The following CNTNAP2 variants were observed in gnomAD, a reference collection of about 807,000 sequenced individuals.
CNTNAP2 encodes the protein contactin associated protein 2.
Under a neutral mutation model 155.2 loss-of-function variants are expected in CNTNAP2, and 98 were observed. That is an observed-to-expected ratio of 0.63 (90% confidence interval 0.54 to 0.75). The LOEUF (loss-of-function observed/expected upper bound fraction) is 0.75. Ranked by LOEUF, CNTNAP2 falls within the 30% of genes least tolerant of loss-of-function variation. CNTNAP2 has a pLI of 0.00. For missense variants in CNTNAP2, 1,727 were observed against 1,688.1 expected (o/e 1.02, Z -0.40); for synonymous variants, 651 against 631.2 (o/e 1.03, Z -0.47).
chr7:146,894,770 C>T (rs963133800), intron 3 of CNTNAP2, among the ~76,000 whole-genome samples: 6 of 152,052 alleles, frequency 3.9e-5, no homozygotes, highest in African/African-American at 1.4e-4. Context: ...TGTAGGTTAA[C>T]TTTACATTCC....
At chr7:147,335,898 A>G (rs952648161) in intron 9 of CNTNAP2, among the ~76,000 whole-genome samples, 2 of 152,178 alleles carry the variant, frequency 1.3e-5, no homozygotes, top group South Asian at 2.1e-4. Context: ...TAGCAGCTGT[A>G]TCATATTATA....
intron 10 of CNTNAP2, among the ~76,000 whole-genome samples, chr7:147,458,196 C>T (rs972746973): frequency 1.3e-5 from 2 of 152,112 alleles, no homozygotes; most frequent in African/African-American, 2.4e-5. Flanking sequence ...TGAAAATCTG[C>T]ATAATATATC....
intron 16 of CNTNAP2, among the ~76,000 whole-genome samples, chr7:148,146,000 A>G (rs924572660): frequency 6.6e-6 from 1 of 152,226 alleles, no homozygotes; most frequent in Non-Finnish European, 1.5e-5. Flanking sequence ...CTGTAGCTCA[A>G]TAAAGTTAAT....
At chr7:147,810,048 G>A (rs10267819) in intron 13 of CNTNAP2, among the ~76,000 whole-genome samples, 24,673 of 152,094 alleles carry the variant, frequency 0.16, 2,315 homozygotes, top group East Asian at 0.24. Flanking sequence ...TATTCAATGT[G>A]TGCTTAAAAA....
chr7:146,231,745 G>A (rs1385099569), intron 1 of CNTNAP2, among the ~76,000 whole-genome samples: 4 of 152,078 alleles, frequency 2.6e-5, no homozygotes, highest in Non-Finnish European at 5.9e-5. Context: ...AAGTGCATCC[G>A]GGAATAGGGT....
chr7:146,264,576 G>T (rs1469680927), intron 1 of CNTNAP2, among the ~76,000 whole-genome samples: 1 of 152,158 alleles, frequency 6.6e-6, no homozygotes, highest in African/African-American at 2.4e-5. Context: ...AAGAATGATG[G>T]TGGGAGCAAT....
At chr7:148,291,431 G>A (rs7780274) in intron 21 of CNTNAP2, among the ~76,000 whole-genome samples, 61,192 of 151,798 alleles carry the variant, frequency 0.4, 12,933 homozygotes, top group East Asian at 0.65. Flanking sequence ...AGAACTTGGA[G>A]TCCAATGTTC....
At chr7:147,667,531 A>G (rs1195530153) in intron 13 of CNTNAP2, among the ~76,000 whole-genome samples, 2 of 152,166 alleles carry the variant, frequency 1.3e-5, no homozygotes, top group East Asian at 3.9e-4. Context: ...GTCATGGATG[A>G]CCCAGCTCCT....
intron 3 of CNTNAP2, among the ~76,000 whole-genome samples, chr7:146,916,492 C>G (rs1458697850): frequency 6.6e-6 from 1 of 151,968 alleles, no homozygotes; most frequent in Non-Finnish European, 1.5e-5. Context: ...TTTTAATTAC[C>G]ATTTCAATCT....
chr7:147,692,376 C>A (rs1265546975), intron 13 of CNTNAP2, among the ~76,000 whole-genome samples: 37 of 152,094 alleles, frequency 2.4e-4, no homozygotes, highest in Non-Finnish European at 7.4e-5. Context: ...TACCAAACAA[C>A]ACTATTGCTG....
chr7:148,146,537 G>A (rs1805182021), intron 16 of CNTNAP2, among the ~76,000 whole-genome samples: 1 of 152,184 alleles, frequency 6.6e-6, no homozygotes, highest in Non-Finnish European at 1.5e-5. Context: ...TGCAGAGGAA[G>A]GTTGATTTGG....
At chr7:147,569,905 C>A (rs1281133168) in intron 12 of CNTNAP2, among the ~76,000 whole-genome samples, 1 of 152,178 alleles carries the variant, frequency 6.6e-6, no homozygotes, top group Non-Finnish European at 1.5e-5. Flanking sequence ...TTGGGATCTT[C>A]TTGGAAGTTT....
At chr7:146,586,909 G>T (rs1221919904) in intron 1 of CNTNAP2, among the ~76,000 whole-genome samples, 3 of 152,122 alleles carry the variant, frequency 2.0e-5, no homozygotes, top group South Asian at 4.1e-4. Context: ...GGTCATTTTT[G>T]CTATGAACAA....
intron 2 of CNTNAP2, among the ~76,000 whole-genome samples, chr7:146,808,159 T>G (rs1452991914): frequency 2.0e-5 from 3 of 152,216 alleles, no homozygotes; most frequent in Non-Finnish European, 2.9e-5. Context: ...TAATATAATT[T>G]ATTCATTGAA....
chr7:146,356,146 A>G (rs2129099787), intron 1 of CNTNAP2, among the ~76,000 whole-genome samples: 1 of 151,820 alleles, frequency 6.6e-6, no homozygotes, highest in Admixed American at 6.6e-5. Context: ...ATAGCATTCC[A>G]TTTTCTGGAC....
At chr7:148,061,959 A>ATAGATAGATAGATAGAT (rs1803153803) in intron 15 of CNTNAP2, among the ~76,000 whole-genome samples, 1 of 28,150 alleles carries the variant, frequency 3.6e-5, no homozygotes, top group South Asian at 9.1e-4. Flanking sequence ...ACAGATATAG[A>ATAGATAGATAGATAGAT]TAGATAGATA....
intron 3 of CNTNAP2, among the ~76,000 whole-genome samples, chr7:147,002,219 C>A (rs1798438225): frequency 6.6e-6 from 1 of 151,890 alleles, no homozygotes; most frequent in African/African-American, 2.4e-5. Flanking sequence ...GAATGTCCAG[C>A]CAAATGGATG....
chr7:146,722,223 C>G (rs1440360923), intron 1 of CNTNAP2, among the ~76,000 whole-genome samples: 1 of 151,762 alleles, frequency 6.6e-6, no homozygotes, highest in African/African-American at 2.4e-5. Context: ...ATAAGGTGCT[C>G]ACTATTTTCT....
At chr7:148,048,844 G>C (rs1468336824) in intron 15 of CNTNAP2, among the ~76,000 whole-genome samples, 2 of 152,136 alleles carry the variant, frequency 1.3e-5, no homozygotes, top group African/African-American at 4.8e-5. Context: ...AAGTGGCCAG[G>C]ACCTGAGAAA....
Sources: gnomAD v4.1 joint callset for allele counts (sites outside exome capture counted in the v4.1 genomes callset) on GRCh38, gnomAD v4.1.1 for gene constraint, MANE v1.5 for transcripts, NCBI Gene and HGNC (gene_info 2026-07-23, HGNC 2026-07-21) for gene names.